The following FLI1 variants were observed in gnomAD, a reference collection of about 807,000 sequenced individuals.
FLI1 encodes Fli-1 proto-oncogene, ETS transcription factor, also known as Friend leukemia integration 1 transcription factor.
In FLI1, 13 loss-of-function variants were observed where a neutral mutation model predicts 53.1. The ratio of observed to expected loss-of-function variants is 0.24; its 90% CI spans 0.16 to 0.39. FLI1 has a LOEUF of 0.39. Among genes scored for constraint, FLI1 ranks in the 10% least tolerant of loss-of-function variants. FLI1 has a pLI of 1.00. For synonymous variants in FLI1, 244 were observed against 236.7 expected (o/e 1.03, Z -0.28); for missense variants, 424 against 600.5 (o/e 0.71, Z 3.07).
At chr11:128,759,080 T>C (rs1941006633) in intron 2 of FLI1, among the ~76,000 whole-genome samples, 1 of 152,232 alleles carries the variant, frequency 6.6e-6, no homozygotes, top group African/African-American at 2.4e-5. Flanking sequence ...CTCTGATGCC[T>C]CAGGGAAAGG....
chr11:128,687,084 G>A (rs554300260), intron 1 of FLI1, among the ~76,000 whole-genome samples: 202 of 152,380 alleles, frequency 1.3e-3, no homozygotes, highest in Non-Finnish European at 2.2e-3. Flanking sequence ...GTCTGTGCAT[G>A]TGTGCATGCG....
intron 1 of FLI1, among the ~76,000 whole-genome samples, chr11:128,688,484 G>T (rs1937622033): frequency 6.6e-6 from 1 of 152,226 alleles, no homozygotes; most frequent in African/African-American, 2.4e-5. Flanking sequence ...TGCCAGAGGG[G>T]CACAAACAGT....
At chr11:128,807,404 G>T (rs1942812376) in intron 7 of FLI1, among the ~76,000 whole-genome samples, 165 bp downstream of exon 7, 1 of 152,206 alleles carries the variant, frequency 6.6e-6, no homozygotes, top group Non-Finnish European at 1.5e-5. Context: ...GAAGTAACAG[G>T]TACTGACATC....
intron 1 of FLI1, among the ~76,000 whole-genome samples, chr11:128,709,942 G>A (rs1938716125): frequency 6.6e-6 from 1 of 152,192 alleles, no homozygotes. Context: ...AAGTGTAAAT[G>A]CTACTAATAG....
chr11:128,791,239 T>A (rs954214818), intron 5 of FLI1, among the ~76,000 whole-genome samples: 2 of 152,192 alleles, frequency 1.3e-5, no homozygotes, highest in African/African-American at 4.8e-5. Context: ...CCCAAAGACC[T>A]GTCCTTCAAA....
At chr11:128,781,859 C>T (rs1941925410) in intron 4 of FLI1, 99 bp from the exon 5 acceptor site, 2 of 925,412 alleles carry the variant, frequency 2.2e-6, no homozygotes, top group Admixed American at 1.7e-5. Context: ...CTTCCCCTCT[C>T]CCCATCTCTT....
rs915172454 is a variant in FLI1 at position 128,742,801 on chromosome 11, T to C, written c.19-15314T>C. Among the ~76,000 whole-genome samples, 3 of 152,250 alleles carry C rather than the reference T, an allele frequency of 2.0e-5. No individual in the cohort carries two copies. The East Asian group carries it at 5.8e-4, about 29-fold the overall frequency. ...CTTGATCCTGATTTTATTTTAAGAT[T>C]GATGCTGACGAGTATGCATTTGTTG... On this transcript the variant is annotated intron_variant, in intron 1 of 8. Transcript: ENST00000527786.
At chr11:128,791,749 G>A (rs146312123) in intron 5 of FLI1, among the ~76,000 whole-genome samples, 1 of 152,246 alleles carries the variant, frequency 6.6e-6, no homozygotes, top group African/African-American at 2.4e-5. Context: ...TGGTTCCTTG[G>A]AAGCTGTGAT....
chr11:128,812,677 G>C lies in FLI1; in HGVS notation c.*1689G>C. On this transcript the variant is annotated 3_prime_UTR_variant, in exon 9 of 9. Transcript: ENST00000527786. ...AGGCCATGGATAAACCTGTATGTAAGGACTGGAGCAAAGCGAGCTGGTCTA... is the reference window on the plus strand; with the variant it reads ...AGGCCATGGATAAACCTGTATGTAACGACTGGAGCAAAGCGAGCTGGTCTA... 1 of 221,670 alleles carries C rather than the reference G, an allele frequency of 4.5e-6. No homozygotes were observed. Among genetic ancestry groups the C allele is most frequent in the Non-Finnish European group, 9.0e-6 (1 of 110,582 alleles). 13.7% of individuals were successfully genotyped at this position (221,670 alleles called of 1,614,324 possible). A position where few individuals can be genotyped will look rare whatever the true frequency, so the allele number is the denominator to read the frequency against.
chr11:128,736,515 G>A (rs1327848511), intron 1 of FLI1, among the ~76,000 whole-genome samples: 1 of 152,178 alleles, frequency 6.6e-6, no homozygotes, highest in Non-Finnish European at 1.5e-5. Context: ...TAGGAACCTG[G>A]AAAGATTTCT....
intron 5 of FLI1, among the ~76,000 whole-genome samples, chr11:128,788,032 G>T (rs1306920737): frequency 1.3e-5 from 2 of 151,180 alleles, no homozygotes; most frequent in Admixed American, 6.6e-5. Context: ...GGATGGTCTC[G>T]ACCTCCTGAC....
At chr11:128,708,702 T>C (rs1158707653) in intron 1 of FLI1, among the ~76,000 whole-genome samples, 1 of 152,180 alleles carries the variant, frequency 6.6e-6, no homozygotes, top group Non-Finnish European at 1.5e-5. Context: ...TTACTACACT[T>C]TGACTAACTA....
upstream of FLI1, chr11:128,693,640 G>A (rs1004024072): frequency 2.2e-5 from 5 of 228,226 alleles, no homozygotes; most frequent in Non-Finnish European, 3.5e-5. Context: ...CTCAGGAAAA[G>A]CAAAGAAGCC....
intron 1 of FLI1, among the ~76,000 whole-genome samples, chr11:128,739,512 C>T (rs1238446997): frequency 2.0e-5 from 3 of 151,904 alleles, no homozygotes; most frequent in Admixed American, 6.6e-5. Flanking sequence ...TTCATCTGCT[C>T]CCAGCTCACC....
intron 1 of FLI1, among the ~76,000 whole-genome samples, chr11:128,723,520 G>A (rs969345319): frequency 6.6e-6 from 1 of 152,084 alleles, no homozygotes; most frequent in Admixed American, 6.5e-5. Flanking sequence ...AATAAAAGAG[G>A]TGCATTCCTG....
chr11:128,715,395 C>T (rs1377771018), intron 1 of FLI1, among the ~76,000 whole-genome samples: 2 of 152,166 alleles, frequency 1.3e-5, no homozygotes, highest in African/African-American at 4.8e-5. Context: ...TATTCTCAAA[C>T]TTGTCCAAAT....
intron 1 of FLI1, among the ~76,000 whole-genome samples, chr11:128,726,249 G>C (rs570453852): frequency 3.3e-5 from 5 of 151,918 alleles, no homozygotes; most frequent in South Asian, 2.1e-4. Context: ...CCCTGTGTAG[G>C]CTCACCTTTC....
chr11:128,742,666 G>A (rs1940190773), intron 1 of FLI1, among the ~76,000 whole-genome samples: 1 of 152,238 alleles, frequency 6.6e-6, no homozygotes, highest in Non-Finnish European at 1.5e-5. Flanking sequence ...ATTGCATGGT[G>A]CAGATTTTAG....
chr11:128,727,101 T>C lies in FLI1; in HGVS notation c.19-31014T>C, dbSNP rs28688193. 5.9e-3 allele frequency among the ~76,000 whole-genome samples: 893 copies of C among 152,262 alleles called. 10 individuals are homozygous for C. Among genetic ancestry groups the C allele is most frequent in the African/African-American group, 0.021 (867 of 41,536 alleles). On this transcript the variant is annotated intron_variant, in intron 1 of 8. Coordinates refer to ENST00000527786, the MANE Select transcript of FLI1 (RefSeq NM_002017.5). ...GGAGAATCCTCTTCTGTATTAGTAA[T>C]AGGCATGTCCGTAGTTGAAAGAATG... is the stretch of plus-strand genomic sequence containing the variant.
Sources: allele counts gnomAD v4.1 joint callset (sites outside exome capture counted in the v4.1 genomes callset), GRCh38; gene constraint gnomAD v4.1.1; transcripts MANE v1.5; gene names NCBI Gene and HGNC (gene_info 2026-07-23, HGNC 2026-07-21).